Variants in ADGRB3 observed in about 807,000 individuals in gnomAD.
The protein encoded by ADGRB3 is brain-specific angiogenesis inhibitor 3.
A neutral mutation model predicts 193.4 loss-of-function variants in ADGRB3; 37 were observed. The ratio of observed to expected loss-of-function variants is 0.19; its 90% CI spans 0.15 to 0.25. The LOEUF (loss-of-function observed/expected upper bound fraction) is 0.25, where lower values mean the gene tolerates loss of function less well. Ranked by LOEUF, ADGRB3 falls within the 10% of genes least tolerant of loss-of-function variation. The pLI is 1.00. For synonymous variants in ADGRB3, 690 were observed against 644.2 expected (o/e 1.07, Z -1.08); for missense variants, 1,637 against 1,852.9 (o/e 0.88, Z 2.14).
intron 3 of ADGRB3, among the ~76,000 whole-genome samples, chr6:68,659,612 T>C (rs561600927): frequency 6.6e-6 from 1 of 151,090 alleles, no homozygotes; most frequent in Non-Finnish European, 1.5e-5. Context: ...TCATCTCTAA[T>C]ATGAATTATT....
intron 20 of ADGRB3, among the ~76,000 whole-genome samples, chr6:69,249,039 G>A (rs1008705261): frequency 2.0e-4 from 31 of 152,024 alleles, no homozygotes; most frequent in Admixed American, 9.8e-4. Flanking sequence ...GTGCAGTAGC[G>A]CGATCTTGGC....
intron 3 of ADGRB3, among the ~76,000 whole-genome samples, chr6:68,789,039 T>C (rs959411040): frequency 6.6e-6 from 1 of 152,134 alleles, no homozygotes; most frequent in Non-Finnish European, 1.5e-5. Context: ...ATTTTGAGCC[T>C]ATGTGTGTCT....
At chr6:68,828,554 C>T (rs1253756148) in intron 3 of ADGRB3, among the ~76,000 whole-genome samples, 1 of 151,960 alleles carries the variant, frequency 6.6e-6, no homozygotes, top group East Asian at 1.9e-4. Context: ...TAAGGTTGGT[C>T]AGGGATGTGG....
chr6:69,008,887 T>C (rs547043309), intron 11 of ADGRB3, among the ~76,000 whole-genome samples: 88 of 152,264 alleles, frequency 5.8e-4, no homozygotes, highest in African/African-American at 1.9e-3. Flanking sequence ...ACTAGTTTTC[T>C]TATCTGTAAA....
At chr6:68,988,316 C>T (rs1025976719) in intron 10 of ADGRB3, among the ~76,000 whole-genome samples, 4 of 151,848 alleles carry the variant, frequency 2.6e-5, no homozygotes, top group South Asian at 2.1e-4. Flanking sequence ...AAAAAGAATT[C>T]GTGAAGGAGA....
chr6:68,649,009 T>C (rs1191284004), intron 3 of ADGRB3, among the ~76,000 whole-genome samples: 2 of 151,616 alleles, frequency 1.3e-5, no homozygotes, highest in Admixed American at 6.6e-5. Context: ...TTGTTTTGTA[T>C]GGGCAATAAC....
intron 3 of ADGRB3, among the ~76,000 whole-genome samples, chr6:68,902,468 G>C (rs572937215): frequency 2.9e-4 from 44 of 151,916 alleles, no homozygotes; most frequent in Non-Finnish European, 4.7e-4. Flanking sequence ...AAGGAATATT[G>C]ACTGCTGTCC....
At chr6:68,781,537 G>T (rs1766852415) in intron 3 of ADGRB3, among the ~76,000 whole-genome samples, 1 of 152,042 alleles carries the variant, frequency 6.6e-6, no homozygotes, top group Admixed American at 6.6e-5. Context: ...GGGCTCCTAA[G>T]AGTAAAGGTC....
At chr6:68,820,243 T>C (rs937308209) in intron 3 of ADGRB3, among the ~76,000 whole-genome samples, 1 of 152,030 alleles carries the variant, frequency 6.6e-6, no homozygotes, top group Non-Finnish European at 1.5e-5. Flanking sequence ...ACTGTTATAA[T>C]TTATTAAAAT....
At chr6:68,888,584 A>T (rs1765980421) in intron 3 of ADGRB3, among the ~76,000 whole-genome samples, 1 of 149,880 alleles carries the variant, frequency 6.7e-6, no homozygotes, top group African/African-American at 2.5e-5. Flanking sequence ...CATAAAAAAA[A>T]CTCCTGCCCT....
chr6:69,043,290 G>GAGAAAGAAAGAAAGAAAGAA (rs145178367), intron 13 of ADGRB3, among the ~76,000 whole-genome samples: 2,548 of 88,066 alleles, frequency 0.029, 49 homozygotes, highest in African/African-American at 0.035. Flanking sequence ...GGAAGAAAGA[G>GAGAAAGAAAGAAAGAAAGAA]AGAAAGAAAG....
chr6:69,293,094 C>T (rs922512891), intron 20 of ADGRB3, among the ~76,000 whole-genome samples: 1 of 152,210 alleles, frequency 6.6e-6, no homozygotes, highest in Non-Finnish European at 1.5e-5. Flanking sequence ...CTTGTTCCAA[C>T]ATTTGCAGGC....
chr6:69,047,065 TA>T (rs1771258318), intron 13 of ADGRB3, among the ~76,000 whole-genome samples: 1 of 152,158 alleles, frequency 6.6e-6, no homozygotes, highest in African/African-American at 2.4e-5. Context: ...TTCACCATGT[TA>T]GCCAGGATGG....
chr6:69,154,092 C>T (rs1161065959), intron 17 of ADGRB3, among the ~76,000 whole-genome samples: 1 of 152,154 alleles, frequency 6.6e-6, no homozygotes, highest in Non-Finnish European at 1.5e-5. Context: ...CTTGAAACCA[C>T]ACTTCAAAAC....
intron 3 of ADGRB3, among the ~76,000 whole-genome samples, chr6:68,869,327 T>A (rs1765395457): frequency 6.6e-6 from 1 of 152,172 alleles, no homozygotes; most frequent in African/African-American, 2.4e-5. Flanking sequence ...AAAGCCATAG[T>A]TAAAATTATT....
chr6:68,968,349 A>T (rs1268992351), intron 8 of ADGRB3, among the ~76,000 whole-genome samples: 15 of 152,192 alleles, frequency 9.9e-5, no homozygotes, highest in Non-Finnish European at 2.2e-4. Context: ...AATAATACTA[A>T]GTGTGAAAAA....
intron 17 of ADGRB3, among the ~76,000 whole-genome samples, chr6:69,122,669 A>G (rs1773744958): frequency 6.6e-6 from 1 of 152,154 alleles, no homozygotes; most frequent in South Asian, 2.1e-4. Context: ...TCTCCAGGAA[A>G]ACTGATTATT....
At chr6:68,851,146 C>T (rs555157363) in intron 3 of ADGRB3, among the ~76,000 whole-genome samples, 1 of 151,912 alleles carries the variant, frequency 6.6e-6, no homozygotes, top group South Asian at 2.1e-4. Flanking sequence ...CGTGTTTAGC[C>T]TCTTCCTACT....
At chr6:69,272,020 A>G (rs960733003) in intron 20 of ADGRB3, among the ~76,000 whole-genome samples, 20 of 152,246 alleles carry the variant, frequency 1.3e-4, no homozygotes, top group African/African-American at 4.6e-4. Context: ...AATTCCAAAC[A>G]CATTAGGGCA....
Sources: gnomAD v4.1 joint callset for allele counts (sites outside exome capture counted in the v4.1 genomes callset) on GRCh38, gnomAD v4.1.1 for gene constraint, MANE v1.5 for transcripts, NCBI Gene and HGNC (gene_info 2026-07-23, HGNC 2026-07-21) for gene names.